Variants in SMAD3 observed in about 807,000 individuals in gnomAD.
SMAD3 encodes SMAD family member 3.
In SMAD3, 12 loss-of-function variants were observed where a neutral mutation model predicts 51.8. The observed-to-expected ratio is 0.23, with a 90% CI of 0.15 to 0.38. The LOEUF (loss-of-function observed/expected upper bound fraction) is 0.38, where lower values mean the gene tolerates loss of function less well. SMAD3 is among the 10% of genes least tolerant of loss of function. SMAD3 has a pLI of 1.00. For missense variants in SMAD3, 294 were observed against 565.6 expected, an observed-to-expected ratio of 0.52 and a Z score of 4.87; for synonymous variants, 238 against 227.7, an observed-to-expected ratio of 1.05 and a Z score of -0.41.
At chr15:67,067,714 T>A (rs1959959050) in intron 1 of SMAD3, among the ~76,000 whole-genome samples, 2 of 152,152 alleles carry the variant, frequency 1.3e-5, no homozygotes, top group South Asian at 4.1e-4. Context: ...AAATTTTTTT[T>A]AACTGGGTGG....
intron 1 of SMAD3, among the ~76,000 whole-genome samples, chr15:67,123,993 C>T (rs184779951): frequency 6.6e-6 from 1 of 152,146 alleles, no homozygotes; most frequent in Non-Finnish European, 1.5e-5. Flanking sequence ...TTTGGATTTT[C>T]GTCTCTTATT....
At chr15:67,150,195 C>T (rs1033408441) in intron 1 of SMAD3, among the ~76,000 whole-genome samples, 2 of 152,138 alleles carry the variant, frequency 1.3e-5, no homozygotes, top group Non-Finnish European at 2.9e-5. Context: ...CTGAGTCGCC[C>T]GGTTGACCCG....
intron 1 of SMAD3, among the ~76,000 whole-genome samples, chr15:67,107,107 A>T (rs569141431): frequency 6.6e-6 from 1 of 152,040 alleles, no homozygotes; most frequent in Non-Finnish European, 1.5e-5. Context: ...GGCTCAGCAC[A>T]GTACCTGGAA....
intron 1 of SMAD3, among the ~76,000 whole-genome samples, chr15:67,070,218 C>A (rs554987294): frequency 1.3e-5 from 2 of 152,276 alleles, no homozygotes; most frequent in African/African-American, 4.8e-5. Context: ...AAGCCCCCTT[C>A]CAGCTGCTAG....
At chr15:67,178,803 C>T (rs1159076839) in intron 5 of SMAD3, among the ~76,000 whole-genome samples, 1 of 152,146 alleles carries the variant, frequency 6.6e-6, no homozygotes, top group East Asian at 1.9e-4. Flanking sequence ...TGACGTGGCT[C>T]AGCCTCACCT....
At chr15:67,123,931 C>T (rs1961325326) in intron 1 of SMAD3, among the ~76,000 whole-genome samples, 1 of 152,146 alleles carries the variant, frequency 6.6e-6, no homozygotes. Context: ...TAGACTGAAA[C>T]AAATCACTGG....
chr15:67,123,461 C>T (rs1221822528), intron 1 of SMAD3, among the ~76,000 whole-genome samples: 3 of 152,092 alleles, frequency 2.0e-5, no homozygotes, highest in East Asian at 1.9e-4. Context: ...ATTGTGCCAT[C>T]GCACTCCAGC....
intron 1 of SMAD3, among the ~76,000 whole-genome samples, chr15:67,083,291 C>T (rs545544299): frequency 2.0e-5 from 3 of 152,314 alleles, no homozygotes; most frequent in African/African-American, 7.2e-5. Flanking sequence ...TGTTTAACCA[C>T]GGCTGTGGAC....
At chr15:67,126,272 G>A (rs973850432) in intron 1 of SMAD3, among the ~76,000 whole-genome samples, 7 of 152,036 alleles carry the variant, frequency 4.6e-5, no homozygotes, top group African/African-American at 9.7e-5. Flanking sequence ...AGGAGATTGA[G>A]GCATGAGTTG....
intron 5 of SMAD3, among the ~76,000 whole-genome samples, chr15:67,177,793 T>C (rs1363861749): frequency 6.6e-6 from 1 of 151,860 alleles, no homozygotes; most frequent in East Asian, 1.9e-4. Flanking sequence ...GTGGTGACCA[T>C]ACTTTCTGGT....
chr15:67,191,114 AG>A lies in SMAD3; in HGVS notation c.*579del, dbSNP rs550707472. ...ATAGACTTGGGATGGGGAGGGAGGG[AG>A]TTTTGTCTGTCTCCCTCCCCTCTCA... On this transcript the variant is annotated 3_prime_UTR_variant, in exon 9 of 9. Coordinates refer to ENST00000327367, the MANE Select transcript of SMAD3 (RefSeq NM_005902.4). 461 of 117,892 alleles carry A rather than the reference AG, an allele frequency of 3.9e-3. 1 individual carries two copies. The highest frequency in any genetic ancestry group is 6.3e-3 in the Non-Finnish European group (398 of 62,924). The allele number at this position is 117,892 out of a possible 1,614,324, so 7.3% of individuals were successfully genotyped here.
At chr15:67,141,367 A>T (rs552359321) in intron 1 of SMAD3, among the ~76,000 whole-genome samples, 2 of 152,308 alleles carry the variant, frequency 1.3e-5, no homozygotes, top group Non-Finnish European at 2.9e-5. Context: ...GGATGGTTCC[A>T]TGCTTCTCCC....
intron 1 of SMAD3, among the ~76,000 whole-genome samples, chr15:67,093,240 A>G (rs1960545950): frequency 6.6e-6 from 1 of 152,072 alleles, no homozygotes; most frequent in African/African-American, 2.4e-5. Flanking sequence ...TACTTTTCTT[A>G]TCTGTAAAAC....
chr15:67,111,701 G>T (rs1451750124), intron 1 of SMAD3, among the ~76,000 whole-genome samples: 1 of 152,178 alleles, frequency 6.6e-6, no homozygotes, highest in Non-Finnish European at 1.5e-5. Context: ...TGGATGTGAG[G>T]TGGTATCTCA....
chr15:67,188,148 CTTTTTTTTTT>C (rs11367565), intron 8 of SMAD3, among the ~76,000 whole-genome samples: 2 of 116,004 alleles, frequency 1.7e-5, no homozygotes, highest in Non-Finnish European at 3.6e-5. Flanking sequence ...TTTTCTTTTT[CTTTTTTTTTT>C]TTTTTTTTTT....
At chr15:67,097,360 C>G (rs1373930671) in intron 1 of SMAD3, among the ~76,000 whole-genome samples, 1 of 152,118 alleles carries the variant, frequency 6.6e-6, no homozygotes, top group African/African-American at 2.4e-5. Context: ...GGACTACAGG[C>G]ACACATCTCT....
intron 1 of SMAD3, among the ~76,000 whole-genome samples, chr15:67,082,360 C>T (rs543617094): frequency 8.5e-5 from 13 of 152,302 alleles, no homozygotes; most frequent in African/African-American, 2.9e-4. Flanking sequence ...GTCTCCACCC[C>T]TCCACCAGTC....
chr15:67,116,666 G>T (rs74020105), intron 1 of SMAD3, among the ~76,000 whole-genome samples: 53 of 152,294 alleles, frequency 3.5e-4, no homozygotes, highest in African/African-American at 1.3e-3. Context: ...GTGTGGAAGT[G>T]CTCCTCAAAG....
chr15:67,155,902 G>C (rs577409595), intron 1 of SMAD3, among the ~76,000 whole-genome samples: 37 of 151,830 alleles, frequency 2.4e-4, no homozygotes, highest in Non-Finnish European at 4.0e-4. Context: ...CAGGAGAATC[G>C]CTTGAACCCG....
Sources: allele counts gnomAD v4.1 joint callset (sites outside exome capture counted in the v4.1 genomes callset), GRCh38; gene constraint gnomAD v4.1.1; transcripts MANE v1.5; gene names NCBI Gene and HGNC (gene_info 2026-07-23, HGNC 2026-07-21).